The following CA2 variants were observed in gnomAD, a reference collection of about 807,000 sequenced individuals.
The protein encoded by CA2 is carbonic anhydrase 2.
In CA2, 23 loss-of-function variants were observed where a neutral mutation model predicts 27.8. The ratio of observed to expected loss-of-function variants is 0.83; its 90% CI spans 0.59 to 1.17. The LOEUF (loss-of-function observed/expected upper bound fraction) is 1.17. CA2 is among the 50% of genes most tolerant of loss of function. The pLI, the probability that CA2 is intolerant of heterozygous loss-of-function variation, is 0.00. For missense variants in CA2, 300 were observed against 314.7 expected (o/e 0.95, Z 0.35); for synonymous variants, 99 against 114.9 (o/e 0.86, Z 0.88).
In CA2 at chr8:85,474,350, A is replaced by G; in HGVS notation, c.378A>G (p.Lys126=). The change falls in exon 4 of 7, where the codon AAA becomes AAG. Residue 126 remains lysine (K), a synonymous_variant. Transcript: ENST00000285379. The stretch of plus-strand genomic sequence containing the variant: ...TTCACTTGGTTCACTGGAACACCAA[A>G]TATGGGGATTTTGGGAAAGCTGTGC... ...AELHLVHWNT[K]YGDFGKAVQQ... The G allele has an allele frequency of 6.2e-7, 1 of 1,614,132 alleles. No individual in the cohort carries two copies. The highest frequency in any genetic ancestry group is 8.5e-7 in the Non-Finnish European group (1 of 1,179,990).
rs1309831324 is a variant in CA2, at chr8:85,473,677, T to C, written c.233-16T>C. 1 of 1,198,772 alleles carries C rather than the reference T, an allele frequency of 8.3e-7. No individual in the cohort carries two copies. The highest frequency in any genetic ancestry group is 1.2e-6 in the Non-Finnish European group (1 of 802,556). 74.3% of individuals were successfully genotyped at this position (1,198,772 alleles called of 1,614,324 possible). A position where few individuals can be genotyped will look rare whatever the true frequency, so the allele number is the denominator to read the frequency against. The stretch of plus-strand genomic sequence containing the variant: ...CATACATATATGTTACATATATATA[T>C]ATGTTTTAATTTTAGTGCTCAAGGG... On this transcript the variant is annotated splice_polypyrimidine_tract_variant and intron_variant, in intron 2 of 6. Coordinates refer to ENST00000285379, the MANE Select transcript of CA2 (RefSeq NM_000067.3).
Position 85,464,038 on chromosome 8 carries a change from A to C in CA2, c.-44A>C. The stretch of plus-strand genomic sequence containing the variant: ...TGCAGGCGCCCAAGCCGCCGCCGCC[A>C]GATCGGTGCCGATTCCTGCCCTGCC... On this transcript the variant is annotated 5_prime_UTR_variant, in exon 1 of 7. Transcript: ENST00000285379. 2 of 1,538,408 alleles carry C rather than the reference A, an allele frequency of 1.3e-6. No individual in the cohort carries two copies. Among genetic ancestry groups the C allele is most frequent in the Non-Finnish European group, 1.7e-6 (2 of 1,144,294 alleles).
chr8:85,477,374 C>T (rs1811818721), intron 6 of CA2, 99 bp downstream of exon 6: 4 of 1,297,364 alleles, frequency 3.1e-6, no homozygotes, highest in Middle Eastern at 2.4e-4. Context: ...TTTAATCCTT[C>T]TCCTGCTACT....
At chr8:85,480,532 C>T in intron 6 of CA2, 138 bp from the exon 7 acceptor site, 1 of 805,952 alleles carries the variant, frequency 1.2e-6, no homozygotes, top group Non-Finnish European at 2.0e-6. Context: ...CGCCTCATGC[C>T]TCAGCCTTAC....
In CA2 at chr8:85,464,025, A is replaced by AGCC. The variant is rs1367491569; in HGVS notation, c.-47_-45dup. 14 of 1,523,876 alleles carry AGCC rather than the reference A, an allele frequency of 9.2e-6. No homozygotes were observed. Among genetic ancestry groups the AGCC allele is most frequent in the South Asian group, 2.4e-5 (2 of 83,490 alleles). The allele number at this position is 1,523,876 out of a possible 1,614,324, so 94.4% of individuals were successfully genotyped here. A position where few individuals can be genotyped will look rare whatever the true frequency, so the allele number is the denominator to read the frequency against. ...CGCGGACACACAGTGCAGGCGCCCA[A>AGCC]GCCGCCGCCGCCAGATCGGTGCCGA... On this transcript the variant is annotated 5_prime_UTR_variant, in exon 1 of 7. Transcript: ENST00000285379.
intron 4 of CA2, among the ~76,000 whole-genome samples, chr8:85,474,986 C>A (rs1397005131): frequency 1.3e-5 from 2 of 151,952 alleles, no homozygotes; most frequent in Non-Finnish European, 2.9e-5. Context: ...AATGTAAGGC[C>A]TTTACAAGGG....
At position 85,473,789 on chromosome 8, in the gene CA2, A is replaced by T. The variant is rs746797809; in HGVS notation, c.329A>T (p.Asp110Val). The T allele has an allele frequency of 6.3e-7, 1 of 1,574,936 alleles. No homozygotes were observed. Among genetic ancestry groups the T allele is most frequent in the Non-Finnish European group, 8.7e-7 (1 of 1,144,288 alleles). The change falls in exon 3 of 7, where the codon GAT (aspartate) becomes GTT (valine). Residue 110 changes from aspartate to valine, a missense_variant. Physicochemically the swap from Asp to Val is radical, Grantham distance 152. Transcript: ENST00000285379. ...GGACAAGGTTCAGAGCATACTGTGG[A>T]TAAAAAGAAATATGCTGCAGAAGTA... is the stretch of plus-strand genomic sequence containing the variant. Reference protein sequence around the residue: ...LDGQGSEHTVDKKKYAAELHL... With the variant: ...LDGQGSEHTVVKKKYAAELHL...
At chr8:85,466,073 C>T (rs1382576730) in intron 2 of CA2, among the ~76,000 whole-genome samples, 1 of 138,096 alleles carries the variant, frequency 7.2e-6, no homozygotes, top group African/African-American at 2.7e-5. Flanking sequence ...CCATTACTGA[C>T]AAAACCAATT....
rs186353615 is a variant in CA2, at chr8:85,480,407, C to G, written c.664-263C>G. Among the ~76,000 whole-genome samples, 198 of 150,902 alleles carry G rather than the reference C, an allele frequency of 1.3e-3. 2 individuals carry two copies. The highest frequency in any genetic ancestry group is 3.8e-3 in the African/African-American group (158 of 41,070). On this transcript the variant is annotated intron_variant, in intron 6 of 6. Transcript: ENST00000285379. ...CTGAGTAGCTGAGATTACAGGTGCT[C>G]TACCACGCCTGTTTAATTTTTGTGT...
chr8:85,465,474 G>C lies in CA2; in HGVS notation c.232+5G>C, dbSNP rs778935902. ...ATGACTCTCAGGACAAAGCAGGTCA[G>C]TGTTTAGAAAATAACTTGTGTCTTT... On this transcript the variant is annotated splice_donor_5th_base_variant and intron_variant, in intron 2 of 6. Coordinates refer to ENST00000285379, the MANE Select transcript of CA2 (RefSeq NM_000067.3). 6.2e-7 allele frequency: 1 copy of C among 1,611,584 alleles called. No individual in the cohort carries two copies. Among genetic ancestry groups the C allele is most frequent in the South Asian group, 1.1e-5 (1 of 90,718 alleles).
intron 5 of CA2, among the ~76,000 whole-genome samples, chr8:85,476,187 A>G (rs1273144185): frequency 6.6e-6 from 1 of 152,198 alleles, no homozygotes; most frequent in East Asian, 1.9e-4. Flanking sequence ...CATACAGCAG[A>G]TATTTGTTAA....
rs201928238 is a variant in CA2, at chr8:85,480,683, G to A, written c.677G>A (p.Arg226His). ...TGTGTCTTTTAGGTGTTGAAATTCC[G>A]TAAACTTAACTTCAATGGGGAGGGT... Reference protein sequence around the residue: ...SVSSEQVLKFRKLNFNGEGEP... With the variant: ...SVSSEQVLKFHKLNFNGEGEP... The change falls in exon 7 of 7, where the codon CGT (arginine) becomes CAT (histidine). Residue 226 changes from arginine to histidine, a missense_variant. By Grantham distance (29) the Arg-to-His change is conservative. Transcript: ENST00000285379. 203 of 1,613,140 alleles carry A rather than the reference G, an allele frequency of 1.3e-4. No homozygotes were observed. Among genetic ancestry groups the A allele is most frequent in the Middle Eastern group, 1.7e-4 (1 of 6,058 alleles).
At chr8:85,464,261 GC>G in intron 1 of CA2, 146 bp downstream of exon 1, 1 of 628,810 alleles carries the variant, frequency 1.6e-6, no homozygotes. Flanking sequence ...GCTCAGGTGC[GC>G]CCCGGGCGCT....
Position 85,473,781 on chromosome 8 carries a change from T to TA in CA2, c.322dup (p.Thr108AsnfsTer4). ...CACTTGATGGACAAGGTTCAGAGCA[T>TA]ACTGTGGATAAAAAGAAATATGCTG... On this transcript the variant is annotated frameshift_variant, in exon 3 of 7. Transcript: ENST00000285379. LOFTEE classifies it high-confidence loss of function. The TA allele has an allele frequency of 6.2e-7, 1 of 1,602,342 alleles. No individual in the cohort carries two copies. The highest frequency in any genetic ancestry group is 8.6e-7 in the Non-Finnish European group (1 of 1,169,324).
chr8:85,466,171 GC>G (rs1564077384), intron 2 of CA2, among the ~76,000 whole-genome samples: 1 of 146,496 alleles, frequency 6.8e-6, no homozygotes, highest in Non-Finnish European at 1.5e-5. Flanking sequence ...AAAAAATCCT[GC>G]TTTTTTTTTT....
chr8:85,476,289 T>C lies in CA2; in HGVS notation c.507+429T>C, dbSNP rs533915626. On this transcript the variant is annotated intron_variant, in intron 5 of 6. Transcript: ENST00000285379. ...CTGTTTCATGGAGATTTCTATTCTA[T>C]GACCTCTTTGCATTCATCCATCCTG... is the stretch of plus-strand genomic sequence containing the variant. 4.6e-5 allele frequency among the ~76,000 whole-genome samples: 7 copies of C among 152,366 alleles called. No individual in the cohort carries two copies. In the East Asian group the frequency reaches 7.7e-4, roughly 17 times the overall value.
intron 4 of CA2, among the ~76,000 whole-genome samples, chr8:85,475,250 T>C (rs1263254288): frequency 6.7e-6 from 1 of 149,826 alleles, no homozygotes; most frequent in Non-Finnish European, 1.5e-5. Context: ...TATACACCTG[T>C]AGTTTCAGCT....
At chr8:85,477,513 A>G (rs1315504909) in intron 6 of CA2, among the ~76,000 whole-genome samples, 2 of 150,822 alleles carry the variant, frequency 1.3e-5, no homozygotes, top group South Asian at 2.1e-4. Flanking sequence ...TAAGGATTCA[A>G]TGAGAAAGAT....
At chr8:85,468,306 G>T (rs1369576227) in intron 2 of CA2, among the ~76,000 whole-genome samples, 1 of 152,202 alleles carries the variant, frequency 6.6e-6, no homozygotes, top group Non-Finnish European at 1.5e-5. Flanking sequence ...TAAAAGCAAG[G>T]TCAGAAAGGA....
Sources: gnomAD v4.1 joint callset for allele counts (sites outside exome capture counted in the v4.1 genomes callset) on GRCh38, gnomAD v4.1.1 for gene constraint, MANE v1.5 for transcripts, NCBI Gene and HGNC (gene_info 2026-07-23, HGNC 2026-07-21) for gene names.